The following TUB variants were observed in gnomAD, a reference collection of about 807,000 sequenced individuals.
TUB encodes tubby protein homolog.
TUB carries 33 observed loss-of-function variants against 59.7 expected under a neutral mutation model. The ratio of observed to expected loss-of-function variants is 0.55; its 90% CI spans 0.42 to 0.74. The LOEUF (loss-of-function observed/expected upper bound fraction) is 0.74, where lower values mean the gene tolerates loss of function less well. TUB is among the 30% of genes least tolerant of loss of function. The pLI is 0.00. For synonymous variants in TUB, 293 were observed against 256.4 expected (o/e 1.14, Z -1.36); for missense variants, 659 against 672.0 (o/e 0.98, Z 0.21).
chr11:8,098,811 A>T lies in TUB; in HGVS notation c.1052A>T (p.Gln351Leu). 1 of 1,614,216 alleles carries T rather than the reference A, an allele frequency of 6.2e-7. No individual in the cohort carries two copies. Among genetic ancestry groups the T allele is most frequent in the Non-Finnish European group, 8.5e-7 (1 of 1,180,040 alleles). Residue 351 changes from glutamine to leucine, a missense_variant, in exon 9 of 12, where the codon CAG (glutamine) becomes CTG (leucine). By Grantham distance (113) the Gln-to-Leu change is moderately radical (BLOSUM62 -2). This residue lies in a region of TUB where 226 missense variants were observed against 210.8 expected (regional missense o/e 1.07). Transcript: ENST00000299506. ...GTTTATGACAATGGAGTCAACCCTC[A>T]GAAGGCCTCATCCTCCACTTTGGAA... ...FTVYDNGVNPQKASSSTLESG... is the reference protein window; with the variant it reads ...FTVYDNGVNPLKASSSTLESG...
chr11:8,067,332 A>G (rs1943265531), intron 2 of TUB: 1 of 152,164 alleles, frequency 6.6e-6, no homozygotes, highest in Non-Finnish European at 1.5e-5. Flanking sequence ...TCTGCTCCTC[A>G]TGAGGTGTGT....
intron 1 of TUB, among the ~76,000 whole-genome samples, chr11:8,086,922 C>T (rs1943680040): frequency 6.6e-6 from 1 of 152,206 alleles, no homozygotes; most frequent in Non-Finnish European, 1.5e-5. Flanking sequence ...TCCTTTCTCC[C>T]TGTTATCTTA....
At position 8,100,601 on chromosome 11, in the gene TUB, C is replaced by T. The variant is rs780890309; in HGVS notation, c.1215C>T (p.Asn405=). ...VHERVSIRPR[N]EHETLLARWQ... is the part of the protein sequence containing the mutation. The stretch of plus-strand genomic sequence containing the variant: ...AGAGAGTCTCTATCCGCCCCCGCAA[C>T]GTGAGTGTCTACCCCTTCCTCCCCT... Residue 405 remains asparagine (N), a splice_region_variant and synonymous_variant, in exon 10 of 12, where the codon AAC becomes AAT. Coordinates refer to ENST00000299506, the MANE Select transcript of TUB (RefSeq NM_177972.3). 3.1e-5 allele frequency: 50 copies of T among 1,613,498 alleles called. No homozygotes were observed. In the Middle Eastern group the frequency reaches 6.6e-4, roughly 21 times the overall value.
In TUB at chr11:8,049,131, G is replaced by A. The variant is rs73396722; in HGVS notation, c.203+9439G>A. Among the ~76,000 whole-genome samples the A allele has an allele frequency of 4.5e-3, 679 of 152,260 alleles. 3 individuals carry two copies. Among genetic ancestry groups the A allele is most frequent in the African/African-American group, 0.012 (516 of 41,552 alleles). On this transcript the variant is annotated intron_variant, in intron 2 of 12. Coordinates refer to the TUB transcript ENST00000305253. ...CTCTTCTGTAGTCGGCCCAAAGCATGGGCTACCTTGTGCTTTCCAAACCCT... is the reference window on the plus strand; with the variant it reads ...CTCTTCTGTAGTCGGCCCAAAGCATAGGCTACCTTGTGCTTTCCAAACCCT...
At chr11:8,026,915 T>C (rs1191000442) in intron 1 of TUB, among the ~76,000 whole-genome samples, 1 of 152,198 alleles carries the variant, frequency 6.6e-6, no homozygotes, top group African/African-American at 2.4e-5. Context: ...TTTATATCTG[T>C]TGAGGGGATA....
chr11:8,028,070 G>T (rs1347323701), intron 1 of TUB, among the ~76,000 whole-genome samples: 1 of 152,070 alleles, frequency 6.6e-6, no homozygotes, highest in Admixed American at 6.5e-5. Flanking sequence ...AATGTACAAG[G>T]GTTCCCATTT....
chr11:8,094,185 C>T lies in TUB; in HGVS notation c.393C>T (p.His131=). Residue 131 remains histidine (H), a synonymous_variant, in exon 4 of 12, where the codon CAC becomes CAT. Transcript: ENST00000299506. The part of the protein sequence containing the change: ...GAARKEKKGK[H]KGTSGPAALA... ...CTAGGAAGGAGAAGAAGGGAAAGCACAAAGGTCAGCTCACATTCTCTACAG... is the reference window on the plus strand; with the variant it reads ...CTAGGAAGGAGAAGAAGGGAAAGCATAAAGGTCAGCTCACATTCTCTACAG... 6.2e-7 allele frequency: 1 copy of T among 1,611,502 alleles called. No individual in the cohort carries two copies. The highest frequency in any genetic ancestry group is 8.5e-7 in the Non-Finnish European group (1 of 1,178,696).
At position 8,081,423 on chromosome 11, in the gene TUB, G is replaced by A. The variant is rs1348240180; in HGVS notation, c.-88G>A. 3 of 1,125,506 alleles carry A rather than the reference G, an allele frequency of 2.7e-6. No homozygotes were observed. The South Asian group carries it at 1.1e-4, about 42-fold the overall frequency. The allele number at this position is 1,125,506 out of a possible 1,614,324, so 69.7% of individuals were successfully genotyped here. A position where few individuals can be genotyped will look rare whatever the true frequency, so the allele number is the denominator to read the frequency against. ...CCGGCCCGGGAGGATGCGGCCCGGG[G>A]CGGCCCGGGAGCTGAGCAGGGCCCC... On this transcript the variant is annotated 5_prime_UTR_variant, in exon 1 of 12. Transcript: ENST00000299506.
intron 2 of TUB, among the ~76,000 whole-genome samples, chr11:8,042,881 A>T (rs1279778562): frequency 6.6e-6 from 1 of 152,118 alleles, no homozygotes; most frequent in Non-Finnish European, 1.5e-5. Context: ...ATTTTATTCT[A>T]TTCTGTGGTT....
intron 2 of TUB, among the ~76,000 whole-genome samples, chr11:8,052,202 G>C (rs1942944073): frequency 6.6e-6 from 1 of 152,098 alleles, no homozygotes; most frequent in South Asian, 2.1e-4. Context: ...ATGAATTTTG[G>C]AATAAATTTG....
Position 8,102,031 on chromosome 11 carries a change from G to T in TUB, c.*412G>T. On this transcript the variant is annotated 3_prime_UTR_variant, in exon 12 of 12. Coordinates refer to ENST00000299506, the MANE Select transcript of TUB (RefSeq NM_177972.3). ...CTCAGCCAAGGAGTCAGATGGCAAT[G>T]GGTACTCCAGCAGGTAGGGGCACAG... 1 of 199,152 alleles carries T rather than the reference G, an allele frequency of 5.0e-6. No individual in the cohort carries two copies. Among genetic ancestry groups the T allele is most frequent in the Non-Finnish European group, 1.0e-5 (1 of 97,386 alleles). 12.3% of individuals were successfully genotyped at this position (199,152 alleles called of 1,614,324 possible).
chr11:8,089,842 C>T (rs1943737673), intron 2 of TUB, among the ~76,000 whole-genome samples, 181 bp downstream of exon 2: 1 of 152,256 alleles, frequency 6.6e-6, no homozygotes, highest in South Asian at 2.1e-4. Flanking sequence ...GGCACATGGG[C>T]TCCTGCCTTC....
At chr11:8,068,428 C>A in intron 2 of TUB, 1 of 152,528 alleles carries the variant, frequency 6.6e-6, no homozygotes. Flanking sequence ...CCAGCACCAC[C>A]ACACCCCTGC....
At chr11:8,054,445 GGAGAGAGAGA>G (rs139244652) in intron 2 of TUB, among the ~76,000 whole-genome samples, 4 of 150,134 alleles carry the variant, frequency 2.7e-5, no homozygotes, top group Non-Finnish European at 5.9e-5. Flanking sequence ...GGCAAGGGCT[GGAGAGAGAGA>G]GAGAGAGAGA....
At chr11:8,056,131 C>T (rs973963904) in intron 2 of TUB, among the ~76,000 whole-genome samples, 16 of 152,324 alleles carry the variant, frequency 1.1e-4, no homozygotes, top group African/African-American at 3.8e-4. Flanking sequence ...TGTCCTATCC[C>T]TTCTCAGCTC....
intron 3 of TUB, among the ~76,000 whole-genome samples, chr11:8,093,161 C>T (rs1279769969): frequency 6.6e-6 from 1 of 152,008 alleles, no homozygotes; most frequent in Non-Finnish European, 1.5e-5. Context: ...AACACCTGCT[C>T]TGACGAGGGA....
intron 2 of TUB, among the ~76,000 whole-genome samples, chr11:8,059,226 T>C (rs1943076410): frequency 6.6e-6 from 1 of 152,068 alleles, no homozygotes. Context: ...TGGTCCCTTC[T>C]CTGTAGCAGG....
chr11:8,025,478 T>C (rs1942488056), intron 1 of TUB, among the ~76,000 whole-genome samples: 1 of 152,174 alleles, frequency 6.6e-6, no homozygotes, highest in Non-Finnish European at 1.5e-5. Context: ...TAAAACTTCC[T>C]TATTGCTCTT....
At chr11:8,072,058 C>T (rs757186889) in intron 2 of TUB, among the ~76,000 whole-genome samples, 1 of 152,188 alleles carries the variant, frequency 6.6e-6, no homozygotes, top group African/African-American at 2.4e-5. Flanking sequence ...TCTGCAGCAG[C>T]GGAGAGGGTG....
Sources: gnomAD v4.1 joint callset for allele counts (sites outside exome capture counted in the v4.1 genomes callset) on GRCh38, gnomAD v4.1.1 for gene constraint, gnomAD v4.1.1 regional missense constraint, MANE v1.5 for transcripts, NCBI Gene and HGNC (gene_info 2026-07-23, HGNC 2026-07-21) for gene names.